HIPK3: variants seen among roughly 807,000 people sequenced by gnomAD.
HIPK3 encodes the protein homeodomain interacting protein kinase 3.
In HIPK3, 47 loss-of-function variants were observed where a neutral mutation model predicts 124.2. That is an observed-to-expected ratio of 0.38 (90% CI 0.30 to 0.48). HIPK3 has a LOEUF of 0.48. Among genes scored for constraint, HIPK3 ranks in the 20% least tolerant of loss-of-function variants. The pLI is 0.98. For missense variants in HIPK3, 1,286 were observed against 1,454.3 expected, an observed-to-expected ratio of 0.88 and a Z score of 1.88; for synonymous variants, 482 against 515.2, an observed-to-expected ratio of 0.94 and a Z score of 0.87.
chr11:33,325,450 C>G (rs1354114832), intron 2 of HIPK3, among the ~76,000 whole-genome samples: 1 of 152,128 alleles, frequency 6.6e-6, no homozygotes, highest in Non-Finnish European at 1.5e-5. Flanking sequence ...GTTTTGCATT[C>G]AGATTAGTAT....
chr11:33,352,314 AGTT>A (rs1853687773), intron 16 of HIPK3, 49 bp downstream of exon 16: 25 of 1,595,596 alleles, frequency 1.6e-5, no homozygotes, highest in Non-Finnish European at 2.1e-5. Context: ...CAAATTTAGC[AGTT>A]GTTTTTCACG....
chr11:33,333,169 A>G (rs565047073), intron 3 of HIPK3, among the ~76,000 whole-genome samples: 1 of 152,310 alleles, frequency 6.6e-6, no homozygotes, highest in South Asian at 2.1e-4. Flanking sequence ...TCAGTGGACT[A>G]TCACAAGGAT....
At chr11:33,318,915 T>C (rs1381173426) in intron 2 of HIPK3, among the ~76,000 whole-genome samples, 3 of 152,170 alleles carry the variant, frequency 2.0e-5, no homozygotes, top group African/African-American at 7.2e-5. Flanking sequence ...AATCAAAAGG[T>C]TTTATGATTT....
At chr11:33,330,848 A>G (rs1852957939) in intron 3 of HIPK3, among the ~76,000 whole-genome samples, 2 of 142,446 alleles carry the variant, frequency 1.4e-5, no homozygotes, top group African/African-American at 2.6e-5. Context: ...TTTTTTTTGC[A>G]CTTGTTAAAA....
intron 1 of HIPK3, among the ~76,000 whole-genome samples, chr11:33,276,559 T>C (rs573029767): frequency 1.3e-5 from 2 of 152,336 alleles, no homozygotes; most frequent in African/African-American, 4.8e-5. Flanking sequence ...ATTTTAGGCT[T>C]GTACGGACTG....
chr11:33,333,425 T>C (rs1853047565), intron 3 of HIPK3, among the ~76,000 whole-genome samples: 1 of 152,184 alleles, frequency 6.6e-6, no homozygotes, highest in African/African-American at 2.4e-5. Flanking sequence ...CTTTAGCTCA[T>C]CCCCCAAGAG....
In HIPK3 at chr11:33,324,230, T is replaced by C. The variant is rs182382124; in HGVS notation, c.1098-4280T>C. ...CTGACAGACGGATGTATTCTTTCAATGCATGGTTTATTTTTTAAAGTGTAT... is the reference window on the plus strand; with the variant it reads ...CTGACAGACGGATGTATTCTTTCAACGCATGGTTTATTTTTTAAAGTGTAT... On this transcript the variant is annotated intron_variant, in intron 2 of 16. Transcript: ENST00000303296. Among the ~76,000 whole-genome samples, 134 of 152,334 alleles carry C rather than the reference T, an allele frequency of 8.8e-4. 1 individual carries two copies. Among genetic ancestry groups the C allele is most frequent in the South Asian group, 4.6e-3 (22 of 4,832 alleles).
At position 33,348,749 on chromosome 11, in the gene HIPK3, C is replaced by G. The variant is rs144093715; in HGVS notation, c.2597C>G (p.Ala866Gly). The G allele has an allele frequency of 1.9e-6, 3 of 1,614,008 alleles. No homozygotes were observed. The African/African-American group carries it at 4.0e-5, about 22-fold the overall frequency. ...TIIIADSPSP[A>G]VSVITISSDT... ...ATTATTGCCGACTCCCCGAGTCCTG[C>G]AGTGAGTGTCATCACTATCAGCAGT... The change falls in exon 13 of 17, where the codon GCA (alanine) becomes GGA (glycine). Residue 866 changes from alanine to glycine, a missense_variant. By Grantham distance (60) the Ala-to-Gly change is moderately conservative. This residue lies in a region of HIPK3 where 810 missense variants were observed against 864.9 expected (regional missense o/e 0.94). Transcript: ENST00000303296.
rs1851026373 is a variant in HIPK3 at position 33,268,272 on chromosome 11, AT to A, written c.-3+10387del. The stretch of plus-strand genomic sequence containing the variant: ...TAATTAAATTTGACAATTTGGCAAC[AT>A]TTTGATATTTTATACATGTGTATTT... On this transcript the variant is annotated intron_variant, in intron 1 of 16. Transcript: ENST00000303296. 5.9e-5 allele frequency among the ~76,000 whole-genome samples: 9 copies of A among 152,250 alleles called. No homozygotes were observed. In the South Asian group the frequency reaches 1.9e-3, roughly 32 times the overall value.
chr11:33,295,425 T>C (rs1428745086), intron 2 of HIPK3, among the ~76,000 whole-genome samples: 1 of 152,200 alleles, frequency 6.6e-6, no homozygotes, highest in Non-Finnish European at 1.5e-5. Flanking sequence ...CTGTGTTGAA[T>C]ATTGGTTGTG....
intron 2 of HIPK3, among the ~76,000 whole-genome samples, chr11:33,297,503 C>T (rs920201024): frequency 6.6e-6 from 1 of 152,140 alleles, no homozygotes; most frequent in Non-Finnish European, 1.5e-5. Context: ...TATGAAAGTG[C>T]AGAAAGGTGA....
At chr11:33,326,282 A>G (rs1213255765) in intron 2 of HIPK3, among the ~76,000 whole-genome samples, 2 of 152,180 alleles carry the variant, frequency 1.3e-5, no homozygotes, top group African/African-American at 4.8e-5. Flanking sequence ...TTTCTGATTT[A>G]ATTGGTGTAG....
rs575827996 is a variant in HIPK3 at position 33,324,206 on chromosome 11, T to C, written c.1098-4304T>C. Among the ~76,000 whole-genome samples, 7 of 152,112 alleles carry C rather than the reference T, an allele frequency of 4.6e-5. No homozygotes were observed. In the East Asian group the frequency reaches 1.3e-3, roughly 29 times the overall value. On this transcript the variant is annotated intron_variant, in intron 2 of 16. Transcript: ENST00000303296. Reference sequence around the variant, plus strand: ...CAGTAAACTAAGCTTTATTCACTACTGACAGACGGATGTATTCTTTCAATG... The same window carrying C: ...CAGTAAACTAAGCTTTATTCACTACCGACAGACGGATGTATTCTTTCAATG...
chr11:33,339,260 G>A, intron 5 of HIPK3, 90 bp from the exon 6 acceptor site: 1 of 910,140 alleles, frequency 1.1e-6, no homozygotes, highest in Non-Finnish European at 1.7e-6. Flanking sequence ...CTCCTGTGTT[G>A]TGATTTTTGT....
Position 33,341,655 on chromosome 11 carries a change from G to T in HIPK3, c.1866G>T (p.Gln622His). The T allele has an allele frequency of 6.2e-7, 1 of 1,613,478 alleles. No homozygotes were observed. Among genetic ancestry groups the T allele is most frequent in the Non-Finnish European group, 8.5e-7 (1 of 1,179,620 alleles). ...TTGGTTGTGGTGATGCTTTTCAGCA[G>T]ACATTGATTATCTGTCCCCCAGCTA... is the stretch of plus-strand genomic sequence containing the variant. The part of the protein sequence containing the change: ...AQFGCGDAFQ[Q>H]TLIICPPAIQ... The change falls in exon 8 of 17, where the codon CAG (glutamine) becomes CAT (histidine). Residue 622 changes from glutamine to histidine, a missense_variant. By Grantham distance (24) the Gln-to-His change is conservative (BLOSUM62 0). Coordinates refer to ENST00000303296, the MANE Select transcript of HIPK3 (RefSeq NM_005734.5).
At chr11:33,278,950 A>T (rs1220675221) in intron 1 of HIPK3, among the ~76,000 whole-genome samples, 1 of 152,226 alleles carries the variant, frequency 6.6e-6, no homozygotes, top group African/African-American at 2.4e-5. Context: ...AAATAGAAGT[A>T]AGTTGAGTAA....
chr11:33,274,586 G>A (rs955916269), intron 1 of HIPK3, among the ~76,000 whole-genome samples: 4 of 152,158 alleles, frequency 2.6e-5, no homozygotes, highest in African/African-American at 9.7e-5. Context: ...CATCAAGAAA[G>A]AGGGAACTTC....
chr11:33,279,246 C>T (rs536853324), intron 1 of HIPK3, among the ~76,000 whole-genome samples: 11 of 146,160 alleles, frequency 7.5e-5, no homozygotes, highest in African/African-American at 2.3e-4. Context: ...CCTGGGAAGG[C>T]GGAGGTTGCA....
At chr11:33,295,310 C>G (rs1364594629) in intron 2 of HIPK3, among the ~76,000 whole-genome samples, 1 of 151,470 alleles carries the variant, frequency 6.6e-6, no homozygotes, top group Non-Finnish European at 1.5e-5. Context: ...CATCCCCGCC[C>G]ATGGCATCCG....
Sources: gnomAD v4.1 joint callset for allele counts (sites outside exome capture counted in the v4.1 genomes callset) on GRCh38, gnomAD v4.1.1 for gene constraint, gnomAD v4.1.1 regional missense constraint, MANE v1.5 for transcripts, NCBI Gene and HGNC (gene_info 2026-07-23, HGNC 2026-07-21) for gene names.